Variants in CCNF observed in about 807,000 individuals in gnomAD.
CCNF encodes cyclin-F.
Under a neutral mutation model 85.4 loss-of-function variants are expected in CCNF, and 30 were observed. The ratio of observed to expected loss-of-function variants is 0.35; its 90% CI spans 0.26 to 0.48. The LOEUF is 0.48. Among genes scored for constraint, CCNF ranks in the 20% least tolerant of loss-of-function variants. The pLI is 0.99. For synonymous variants in CCNF, 439 were observed against 425.1 expected, an observed-to-expected ratio of 1.03 and a Z score of -0.40; for missense variants, 919 against 1,010.4, an observed-to-expected ratio of 0.91 and a Z score of 1.23.
At position 2,457,466 on chromosome 16, in the gene CCNF, A is replaced by G. The variant is rs2065436057; in HGVS notation, c.*446A>G. ...CTGCTGGTTTGGGGCTTCAGTGGGG[A>G]GCTGACAGCTGTGAGCACACCACTG... On this transcript the variant is annotated 3_prime_UTR_variant, in exon 17 of 17. Coordinates refer to ENST00000397066, the MANE Select transcript of CCNF (RefSeq NM_001761.3). 1 of 160,056 alleles carries G rather than the reference A, an allele frequency of 6.2e-6. No homozygotes were observed. Among genetic ancestry groups the G allele is most frequent in the Non-Finnish European group, 1.4e-5 (1 of 72,580 alleles). 9.9% of individuals were successfully genotyped at this position (160,056 alleles called of 1,614,324 possible).
intron 4 of CCNF, 121 bp downstream of exon 4, chr16:2,435,994 C>T (rs149086596): frequency 3.2e-6 from 2 of 619,192 alleles, no homozygotes; most frequent in East Asian, 2.9e-5. Flanking sequence ...GATGGCCTGC[C>T]TCCCCATTCC....
chr16:2,449,752 C>T lies in CCNF; in HGVS notation c.1400-76C>T, dbSNP rs1275682696. On this transcript the variant is annotated intron_variant, in intron 12 of 16. Coordinates refer to ENST00000397066, the MANE Select transcript of CCNF (RefSeq NM_001761.3). Reference sequence around the variant, plus strand: ...AGAGCGGGAGTGTTCAGGCGGCTGTCACCACAGCCCCTCCGTCCCCTCCAT... The same window carrying T: ...AGAGCGGGAGTGTTCAGGCGGCTGTTACCACAGCCCCTCCGTCCCCTCCAT... 5 of 973,634 alleles carry T rather than the reference C, an allele frequency of 5.1e-6. No individual in the cohort carries two copies. In the East Asian group the frequency reaches 1.2e-4, roughly 23 times the overall value. 60.3% of individuals were successfully genotyped at this position (973,634 alleles called of 1,614,324 possible).
intron 9 of CCNF, among the ~76,000 whole-genome samples, chr16:2,444,295 C>T (rs1466562134): frequency 2.0e-5 from 3 of 149,394 alleles, no homozygotes; most frequent in South Asian, 2.1e-4. Context: ...CTGCTTTCTT[C>T]AGTTACTTTT....
rs1198975268 is a variant in CCNF, at chr16:2,439,944, C to A, written c.777+118C>A. ...ACTATCTGGGCTCCCACATGGGAGGCCAGGATTGAGGGACACCCTAAGATC... is the reference window on the plus strand; with the variant it reads ...ACTATCTGGGCTCCCACATGGGAGGACAGGATTGAGGGACACCCTAAGATC... On this transcript the variant is annotated intron_variant, in intron 8 of 16. Coordinates refer to ENST00000397066, the MANE Select transcript of CCNF (RefSeq NM_001761.3). The A allele has an allele frequency of 6.0e-6, 5 of 838,914 alleles. No homozygotes were observed. The Admixed American group carries it at 1.0e-4, about 17-fold the overall frequency. 52.0% of individuals were successfully genotyped at this position (838,914 alleles called of 1,614,324 possible).
chr16:2,444,722 G>C (rs1315144453), intron 9 of CCNF, among the ~76,000 whole-genome samples: 3 of 151,622 alleles, frequency 2.0e-5, no homozygotes, highest in Admixed American at 2.0e-4. Flanking sequence ...TTACCCTCCT[G>C]AGTAGCTGGG....
intron 10 of CCNF, among the ~76,000 whole-genome samples, 161 bp downstream of exon 10, chr16:2,445,783 A>G (rs1404473593): frequency 1.4e-5 from 2 of 144,476 alleles, no homozygotes; most frequent in African/African-American, 5.3e-5. Flanking sequence ...GCTGGAGTGC[A>G]GTGGTGCGAT....
chr16:2,443,306 G>A (rs1472788434), intron 8 of CCNF, among the ~76,000 whole-genome samples: 1 of 150,918 alleles, frequency 6.6e-6, no homozygotes, highest in Non-Finnish European at 1.5e-5. Flanking sequence ...CTATTCCTGG[G>A]TGTAAACATT....
Position 2,433,027 on chromosome 16 carries a change from G to C in CCNF, c.238G>C (p.Glu80Gln). Residue 80 changes from glutamate (E) to glutamine (Q), a missense_variant, in exon 3 of 17, where the codon GAG becomes CAG. Glu to Gln is a conservative substitution (Grantham distance 29). This residue lies in a region of CCNF where 410 missense variants were observed against 478.6 expected (regional missense o/e 0.86). Coordinates refer to ENST00000397066, the MANE Select transcript of CCNF (RefSeq NM_001761.3). ...ASVWACASFQ[E>Q]LWPSPGNLKL... ...TGTGTGGGCATGTGCCAGCTTCCAGGAGCTGTGGCCGTCTCCAGGGAACCT... is the reference window on the plus strand; with the variant it reads ...TGTGTGGGCATGTGCCAGCTTCCAGCAGCTGTGGCCGTCTCCAGGGAACCT... 6.2e-7 allele frequency: 1 copy of C among 1,611,256 alleles called. No homozygotes were observed. The highest frequency in any genetic ancestry group is 8.5e-7 in the Non-Finnish European group (1 of 1,177,802).
At chr16:2,439,515 G>A in intron 7 of CCNF, 58 bp downstream of exon 7, 1 of 1,286,286 alleles carries the variant, frequency 7.8e-7, no homozygotes, top group Non-Finnish European at 1.1e-6. Context: ...CGTAGTTGAT[G>A]CTGGTCCTTG....
rs1275547478 is a variant in CCNF at position 2,442,760 on chromosome 16, TATA to T, written c.778-885_778-883del. On this transcript the variant is annotated intron_variant, in intron 8 of 16. Transcript: ENST00000397066. ...TATAATTATATAATAATTATAATAA[TATA>T]ATATATATCATATATAATATTATAT... Among the ~76,000 whole-genome samples the T allele has an allele frequency of 1.2e-3, 31 of 26,762 alleles. 12 individuals are homozygous for T. The highest frequency in any genetic ancestry group is 7.0e-3 in the African/African-American group (16 of 2,270). 17.6% of individuals were successfully genotyped at this position (26,762 alleles called of 152,430 possible).
chr16:2,437,914 A>AAG, intron 5 of CCNF, 156 bp from the exon 6 acceptor site: 1 of 578,662 alleles, frequency 1.7e-6, no homozygotes, highest in East Asian at 2.9e-5. Flanking sequence ...AAAAAAAAAA[A>AAG]AAAAAAAAGA....
chr16:2,442,877 A>G (rs1203720212), intron 8 of CCNF, among the ~76,000 whole-genome samples: 1 of 31,638 alleles, frequency 3.2e-5, no homozygotes, highest in African/African-American at 3.9e-4. Context: ...TATATATTAT[A>G]TTATAATTAT....
chr16:2,454,878 G>A (rs2065416493), intron 15 of CCNF, among the ~76,000 whole-genome samples: 1 of 152,076 alleles, frequency 6.6e-6, no homozygotes, highest in Admixed American at 6.6e-5. Context: ...TGCCCATCAT[G>A]GTGAAACCCC....
At position 2,456,861 on chromosome 16, in the gene CCNF, G is replaced by GCA; in HGVS notation, c.2209_2210dup (p.Gln737HisfsTer30). ...CAGTGCTGTCCCTGGACAGTGACTC[G>GCA]CACACACAGCCCTGCCACCATCAGG... On this transcript the variant is annotated frameshift_variant, in exon 17 of 17. Transcript: ENST00000397066. LOFTEE classifies it low-confidence loss of function (END_TRUNC). The surrounding 1 kb of genome is among the most constrained non-coding windows in gnomAD (Gnocchi z 4.5). The GCA allele has an allele frequency of 6.2e-7, 1 of 1,614,040 alleles. No homozygotes were observed. Among genetic ancestry groups the GCA allele is most frequent in the East Asian group, 2.2e-5 (1 of 44,884 alleles).
chr16:2,438,464 A>AG (rs2065303468), intron 6 of CCNF, among the ~76,000 whole-genome samples: 1 of 152,098 alleles, frequency 6.6e-6, no homozygotes, highest in African/African-American at 2.4e-5. Context: ...AAATGGTGAA[A>AG]CCACGTCTTT....
At chr16:2,449,485 G>C in intron 12 of CCNF, 23 bp downstream of exon 12, 2 of 1,589,356 alleles carry the variant, frequency 1.3e-6, no homozygotes, top group Non-Finnish European at 1.7e-6. Flanking sequence ...CCTTCCCAGG[G>C]ATGCCTGTGT....
chr16:2,437,146 G>A lies in CCNF; in HGVS notation c.364G>A (p.Ala122Thr). ...YNEGLSVSDE[A>T]RAEVNGLKAS... ...CCCCGCAGTGTCTGTGTCTGATGAG[G>A]CCCGCGCAGAAGTGAATGGCCTGAA... The change falls in exon 5 of 17, where the codon GCC becomes ACC. Residue 122 changes from alanine (A) to threonine (T), a missense_variant. Physicochemically the swap from Ala to Thr is moderately conservative, Grantham distance 58. Around this residue, in one of 3 missense-constraint regions of CCNF, gnomAD observed 410 missense variants for 478.6 expected, o/e 0.86. Transcript: ENST00000397066. 3.7e-6 allele frequency: 6 copies of A among 1,600,334 alleles called. No individual in the cohort carries two copies. The highest frequency in any genetic ancestry group is 5.1e-6 in the Non-Finnish European group (6 of 1,170,020).
Position 2,458,755 on chromosome 16 carries a change from CT to C in CCNF, c.*1736del, listed in dbSNP as rs2065446518. ...GACCCGTCCTGTCGACTGTGTGCCC[CT>C]GGGCATGTGTGAGCCTCAGTTTCCT... On this transcript the variant is annotated 3_prime_UTR_variant, in exon 17 of 17. Coordinates refer to ENST00000397066, the MANE Select transcript of CCNF (RefSeq NM_001761.3). 6.6e-6 allele frequency: 1 copy of C among 152,302 alleles called. No individual in the cohort carries two copies. The highest frequency in any genetic ancestry group is 2.1e-4 in the South Asian group (1 of 4,838). 9.4% of individuals were successfully genotyped at this position (152,302 alleles called of 1,614,324 possible).
At chr16:2,448,392 TC>T (rs2065373624) in intron 10 of CCNF, among the ~76,000 whole-genome samples, 1 of 151,976 alleles carries the variant, frequency 6.6e-6, no homozygotes, top group South Asian at 2.1e-4. Flanking sequence ...CTTTCTGACC[TC>T]CCCTTTGTTA....
Sources: gnomAD v4.1 joint callset for allele counts (sites outside exome capture counted in the v4.1 genomes callset) on GRCh38, gnomAD v4.1.1 for gene constraint, gnomAD v4.1.1 regional missense constraint, Gnocchi (gnomAD v3.1) non-coding constraint, MANE v1.5 for transcripts, NCBI Gene and HGNC (gene_info 2026-07-23, HGNC 2026-07-21) for gene names.